Variants in PRKCH observed in about 807,000 individuals in gnomAD.
PRKCH encodes the protein protein kinase C eta type.
In PRKCH, 28 loss-of-function variants were observed where a neutral mutation model predicts 82.5. The ratio of observed to expected loss-of-function variants is 0.34; its 90% CI spans 0.25 to 0.47. The LOEUF is 0.47. PRKCH is among the 20% of genes least tolerant of loss of function. The pLI is 1.00. For synonymous variants in PRKCH, 322 were observed against 327.4 expected, an observed-to-expected ratio of 0.98 and a Z score of 0.18; for missense variants, 705 against 881.8, an observed-to-expected ratio of 0.80 and a Z score of 2.54.
intron 1 of PRKCH, among the ~76,000 whole-genome samples, chr14:61,225,245 T>C (rs1202096296): frequency 1.3e-5 from 2 of 152,254 alleles, no homozygotes; most frequent in Non-Finnish European, 2.9e-5. Context: ...ATGTCTGTTT[T>C]TTAGTTCTAG....
At position 61,447,313 on chromosome 14, in the gene PRKCH, G is replaced by C. The variant is rs76115980; in HGVS notation, c.613+1587G>C. The stretch of plus-strand genomic sequence containing the variant: ...TCAAAATACATGGGACAAACTGATA[G>C]AATCACAAGGAAAAATGAACAAATC... On this transcript the variant is annotated intron_variant, in intron 4 of 13. Transcript: ENST00000332981. Among the ~76,000 whole-genome samples the C allele has an allele frequency of 6.6e-3, 1,010 of 152,286 alleles. 42 individuals are homozygous for C. In the East Asian group the frequency reaches 0.094, roughly 14 times the overall value.
chr14:61,459,190 G>T (rs1156500720), intron 9 of PRKCH, among the ~76,000 whole-genome samples: 2 of 152,204 alleles, frequency 1.3e-5, no homozygotes, highest in African/African-American at 4.8e-5. Flanking sequence ...AGGCATTCTG[G>T]GAGAGTGAAT....
At chr14:61,501,836 C>A (rs1886922474) in intron 10 of PRKCH, among the ~76,000 whole-genome samples, 1 of 152,038 alleles carries the variant, frequency 6.6e-6, no homozygotes, top group Non-Finnish European at 1.5e-5. Context: ...TACCCTTGTC[C>A]CCAGTCTCTC....
chr14:61,477,789 G>A (rs17098452), intron 9 of PRKCH, among the ~76,000 whole-genome samples: 19,714 of 152,144 alleles, frequency 0.13, 2,065 homozygotes, highest in African/African-American at 0.29. Flanking sequence ...ATATAGCATC[G>A]GGAAACATCC....
At position 61,509,923 on chromosome 14, in the gene PRKCH, AAAAC is replaced by A. The variant is rs1393261728; in HGVS notation, c.1434-19144_1434-19141del. 9.2e-5 allele frequency among the ~76,000 whole-genome samples: 14 copies of A among 152,158 alleles called. No individual in the cohort carries two copies. In the South Asian group the frequency reaches 1.9e-3, roughly 20 times the overall value. ...AAGTGAGGCTCCATCTCAAAAAAAC[AAAAC>A]AAACAAAAACAAACTATGAATGCTG... On this transcript the variant is annotated intron_variant, in intron 10 of 13. Transcript: ENST00000332981.
At chr14:61,246,093 T>A (rs1194161144) in intron 1 of PRKCH, among the ~76,000 whole-genome samples, 1 of 152,068 alleles carries the variant, frequency 6.6e-6, no homozygotes, top group Non-Finnish European at 1.5e-5. Context: ...CAGTGTCCAC[T>A]TGCAACATTT....
intron 2 of PRKCH, among the ~76,000 whole-genome samples, chr14:61,440,269 C>G (rs574861661): frequency 6.6e-6 from 1 of 152,306 alleles, no homozygotes; most frequent in South Asian, 2.1e-4. Flanking sequence ...AACTTTTGTT[C>G]TTCCGCAGTC....
At chr14:61,317,633 C>G (rs910626534), upstream of PRKCH, among the ~76,000 whole-genome samples, 1 of 152,144 alleles carries the variant, frequency 6.6e-6, no homozygotes, top group African/African-American at 2.4e-5. Flanking sequence ...ACCTAGCAGA[C>G]AATTCCTCCC....
chr14:61,481,990 C>CTTTTTTTTTTT (rs35134897), intron 9 of PRKCH, among the ~76,000 whole-genome samples: 3 of 101,076 alleles, frequency 3.0e-5, no homozygotes, highest in African/African-American at 4.2e-5. Flanking sequence ...TTTCCTTTTC[C>CTTTTTTTTTTT]TTTTTTTTTT....
At chr14:61,309,206 T>TG (rs1296959058) in intron 1 of PRKCH, among the ~76,000 whole-genome samples, 1 of 151,998 alleles carries the variant, frequency 6.6e-6, no homozygotes, top group Admixed American at 6.6e-5. Flanking sequence ...CACTTGAGCC[T>TG]GGGAGGTCGA....
At chr14:61,256,262 C>A (rs2044997098) in intron 1 of PRKCH, among the ~76,000 whole-genome samples, 1 of 152,166 alleles carries the variant, frequency 6.6e-6, no homozygotes, top group Admixed American at 6.5e-5. Flanking sequence ...ATGAATCATA[C>A]AAAAAGGTGG....
At chr14:61,443,992 G>A (rs1442015204) in intron 3 of PRKCH, among the ~76,000 whole-genome samples, 1 of 152,224 alleles carries the variant, frequency 6.6e-6, no homozygotes, top group African/African-American at 2.4e-5. Context: ...TAGCGTGAAA[G>A]GAGATCTATA....
At chr14:61,548,917 G>T (rs1393712117) in intron 13 of PRKCH, among the ~76,000 whole-genome samples, 1 of 151,080 alleles carries the variant, frequency 6.6e-6, no homozygotes, top group African/African-American at 2.4e-5. Flanking sequence ...TAAGAGCAGT[G>T]AGATGTGTGA....
intron 1 of PRKCH, among the ~76,000 whole-genome samples, chr14:61,360,865 C>G (rs1324403424): frequency 1.3e-5 from 2 of 152,188 alleles, no homozygotes; most frequent in Non-Finnish European, 2.9e-5. Flanking sequence ...GCTTTTTACA[C>G]TTGGATACCA....
chr14:61,375,008 A>C (rs911928388), intron 1 of PRKCH, among the ~76,000 whole-genome samples: 1 of 151,974 alleles, frequency 6.6e-6, no homozygotes, highest in Non-Finnish European at 1.5e-5. Context: ...ATTTCACACC[A>C]TCCCTTTCTT....
At chr14:61,505,395 C>CTTTTCTTTT (rs762878496) in intron 10 of PRKCH, among the ~76,000 whole-genome samples, 5 of 55,732 alleles carry the variant, frequency 9.0e-5, no homozygotes, top group East Asian at 1.6e-3. Context: ...CTTTTCTTTT[C>CTTTTCTTTT]TTTTTTTTTT....
intron 9 of PRKCH, among the ~76,000 whole-genome samples, chr14:61,474,129 G>GTAGGA (rs1389706357): frequency 6.6e-6 from 1 of 152,200 alleles, no homozygotes; most frequent in Non-Finnish European, 1.5e-5. Flanking sequence ...TGGTTTCATA[G>GTAGGA]TAGGATAAAT....
rs767399286 is a variant in PRKCH, at chr14:61,547,832, C to T, written c.1851C>T (p.Ile617=). 2.9e-5 allele frequency: 47 copies of T among 1,613,970 alleles called. No homozygotes were observed. The Admixed American group carries it at 3.2e-4, about 11-fold the overall frequency. Residue 617 remains isoleucine, a synonymous_variant, in exon 13 of 14, where the codon ATC becomes ATT. Coordinates refer to ENST00000332981, the MANE Select transcript of PRKCH (RefSeq NM_006255.5). ...AILRHPFFKE[I]DWAQLNHRQI... ...TGAGACATCCTTTTTTTAAGGAAAT[C>T]GACTGGGCCCAGCTGAACCATCGCC... is the stretch of plus-strand genomic sequence containing the variant.
chr14:61,226,958 G>T (rs990953280), intron 1 of PRKCH, among the ~76,000 whole-genome samples: 4 of 152,096 alleles, frequency 2.6e-5, no homozygotes, highest in Admixed American at 2.0e-4. Context: ...GCTTTTCACA[G>T]TGAAAGTCCT....
Sources: gnomAD v4.1 joint callset for allele counts (sites outside exome capture counted in the v4.1 genomes callset) on GRCh38, gnomAD v4.1.1 for gene constraint, MANE v1.5 for transcripts, NCBI Gene and HGNC (gene_info 2026-07-23, HGNC 2026-07-21) for gene names.